The following FHIT variants were observed in gnomAD, a reference collection of about 807,000 sequenced individuals.
FHIT encodes the protein fragile histidine triad diadenosine triphosphatase.
Under a neutral mutation model 17.9 loss-of-function variants are expected in FHIT, and 19 were observed. That is an observed-to-expected ratio of 1.06 (90% confidence interval 0.74 to 1.56). The LOEUF is 1.56. Ranked by LOEUF, FHIT falls within the 40% of genes most tolerant of loss-of-function variation. FHIT has a pLI of 0.00. For synonymous variants in FHIT, 81 were observed against 69.7 expected (o/e 1.16, Z -0.81); for missense variants, 248 against 189.2 (o/e 1.31, Z -1.82).
intron 5 of FHIT, among the ~76,000 whole-genome samples, chr3:60,044,858 C>A (rs1701585272): frequency 6.6e-6 from 1 of 151,940 alleles, no homozygotes; most frequent in South Asian, 2.1e-4. Flanking sequence ...GGAAAGTGTC[C>A]CCATGCCAAG....
chr3:60,834,463 T>G (rs1553743358), intron 3 of FHIT, among the ~76,000 whole-genome samples: 1 of 152,204 alleles, frequency 6.6e-6, no homozygotes, highest in African/African-American at 2.4e-5. Flanking sequence ...TTTTTACTGT[T>G]GAGTTTGAAA....
At chr3:60,911,259 G>A (rs782516094) in intron 3 of FHIT, among the ~76,000 whole-genome samples, 3 of 152,022 alleles carry the variant, frequency 2.0e-5, no homozygotes, top group Admixed American at 6.6e-5. Context: ...ACAAAAAGTC[G>A]CATTTAATGA....
At chr3:61,150,855 A>G (rs1340851891) in intron 2 of FHIT, among the ~76,000 whole-genome samples, 1 of 152,226 alleles carries the variant, frequency 6.6e-6, no homozygotes, top group Non-Finnish European at 1.5e-5. Flanking sequence ...AAATGCAAAT[A>G]CGTAAGAGAG....
chr3:60,624,928 T>C (rs2039243588), intron 4 of FHIT, among the ~76,000 whole-genome samples: 1 of 152,196 alleles, frequency 6.6e-6, no homozygotes, highest in Admixed American at 6.5e-5. Flanking sequence ...TGTTTGTTTT[T>C]GAGACAGTCT....
rs559387365 is a variant in FHIT at position 60,274,665 on chromosome 3, T to C, written c.104-260513A>G. Reference sequence around the variant, plus strand: ...GGTAGCACAGCTTTTTTCAAAAATTTGAGAAAAAACAAATCTATTAAAACA... The same window carrying C: ...GGTAGCACAGCTTTTTTCAAAAATTCGAGAAAAAACAAATCTATTAAAACA... On this transcript the variant is annotated intron_variant, in intron 5 of 9. Transcript: ENST00000492590. 9.2e-5 allele frequency among the ~76,000 whole-genome samples: 14 copies of C among 152,236 alleles called. No individual in the cohort carries two copies. In the South Asian group the frequency reaches 2.9e-3, roughly 32 times the overall value.
intron 7 of FHIT, among the ~76,000 whole-genome samples, chr3:59,958,488 G>A (rs1707512267): frequency 2.0e-5 from 3 of 152,146 alleles, no homozygotes; most frequent in Admixed American, 6.5e-5. Flanking sequence ...TCTCTCCTGA[G>A]GAAGAAAAAA....
intron 3 of FHIT, among the ~76,000 whole-genome samples, chr3:60,879,887 G>GACTT (rs1553757501): frequency 6.6e-6 from 1 of 151,344 alleles, no homozygotes; most frequent in Non-Finnish European, 1.5e-5. Flanking sequence ...AAGACTACAA[G>GACTT]ACTTATAGGA....
chr3:60,396,875 C>A (rs1553762756), intron 5 of FHIT, among the ~76,000 whole-genome samples: 3 of 151,172 alleles, frequency 2.0e-5, no homozygotes, highest in Non-Finnish European at 4.4e-5. Context: ...TTTTTTTTTG[C>A]TTTTTCCCCA....
At position 59,928,906 on chromosome 3, in the gene FHIT, A is replaced by G. The variant is rs1017612070; in HGVS notation, c.280-6492T>C. 3.3e-5 allele frequency among the ~76,000 whole-genome samples: 5 copies of G among 149,736 alleles called. No homozygotes were observed. In the East Asian group the frequency reaches 1.0e-3, roughly 30 times the overall value. The stretch of plus-strand genomic sequence containing the variant: ...GCTACTCAGGAGGCTGAGGTAGGAG[A>G]ATCTCTTAAACCTGGGAGGTGGAAG... On this transcript the variant is annotated intron_variant, in intron 7 of 9. Coordinates refer to ENST00000492590, the MANE Select transcript of FHIT (RefSeq NM_002012.4).
At chr3:61,183,651 T>C (rs1315712830) in intron 2 of FHIT, among the ~76,000 whole-genome samples, 1 of 152,138 alleles carries the variant, frequency 6.6e-6, no homozygotes, top group East Asian at 1.9e-4. Flanking sequence ...AAATGAGAGA[T>C]TTCAAGAAAA....
intron 3 of FHIT, among the ~76,000 whole-genome samples, chr3:60,983,268 G>A (rs1710571773): frequency 6.6e-6 from 1 of 152,050 alleles, no homozygotes. Context: ...GTGCCATCCA[G>A]GGAAGGAAGA....
At chr3:61,077,938 A>G (rs1324805211) in intron 2 of FHIT, among the ~76,000 whole-genome samples, 1 of 152,166 alleles carries the variant, frequency 6.6e-6, no homozygotes, top group African/African-American at 2.4e-5. Flanking sequence ...AAATAGAGTC[A>G]AGGAGAGCCA....
chr3:59,845,173 G>T (rs1042157830), intron 8 of FHIT, among the ~76,000 whole-genome samples: 14 of 151,360 alleles, frequency 9.2e-5, no homozygotes, highest in Admixed American at 7.9e-4. Context: ...TAGACTTCTG[G>T]TTTTTTTTCT....
At chr3:60,606,934 A>C (rs1162904039) in intron 4 of FHIT, among the ~76,000 whole-genome samples, 1 of 152,142 alleles carries the variant, frequency 6.6e-6, no homozygotes, top group Non-Finnish European at 1.5e-5. Context: ...AGTCTCTGTT[A>C]CCTGCTTCCA....
chr3:60,009,161 TTTTATGTGTGTGTGTGTGTGTG>T lies in FHIT; in HGVS notation c.279+2188_279+2209del, dbSNP rs1700035598. ...TTGGAACCTTCATTGTTCTCTGGGA[TTTTATGTGTGTGTGTGTGTGTG>T]TGTGTGTGTGTGTGTGTGTGTGTGT... is the stretch of plus-strand genomic sequence containing the variant. On this transcript the variant is annotated intron_variant, in intron 7 of 9. Coordinates refer to ENST00000492590, the MANE Select transcript of FHIT (RefSeq NM_002012.4). 4.2e-5 allele frequency among the ~76,000 whole-genome samples: 3 copies of T among 71,036 alleles called. No individual in the cohort carries two copies. In the South Asian group the frequency reaches 1.9e-3, roughly 46 times the overall value. The allele number at this position is 71,036 out of a possible 152,430, so 46.6% of individuals were successfully genotyped here.
At chr3:59,753,123 A>C (rs894084522) in intron 8 of FHIT, among the ~76,000 whole-genome samples, 1 of 148,104 alleles carries the variant, frequency 6.8e-6, no homozygotes, top group Non-Finnish European at 1.5e-5. Flanking sequence ...TTTACCTCCT[A>C]CTCTCTTTGG....
chr3:60,834,866 A>G (rs1214199356), intron 3 of FHIT, among the ~76,000 whole-genome samples: 2 of 148,618 alleles, frequency 1.3e-5, no homozygotes, highest in African/African-American at 5.0e-5. Context: ...CACTGTCTCA[A>G]AAAAGAAAAG....
chr3:59,960,861 G>A (rs1044983182), intron 7 of FHIT, among the ~76,000 whole-genome samples: 1 of 152,130 alleles, frequency 6.6e-6, no homozygotes, highest in African/African-American at 2.4e-5. Flanking sequence ...AATGAGGAGA[G>A]AGGACCAATT....
intron 5 of FHIT, among the ~76,000 whole-genome samples, chr3:60,339,293 A>G (rs1385171125): frequency 6.6e-6 from 1 of 152,182 alleles, no homozygotes; most frequent in Non-Finnish European, 1.5e-5. Flanking sequence ...TCAGTATTAA[A>G]GAGAGATTCA....
Sources: gnomAD v4.1 joint callset for allele counts (sites outside exome capture counted in the v4.1 genomes callset) on GRCh38, gnomAD v4.1.1 for gene constraint, MANE v1.5 for transcripts, NCBI Gene and HGNC (gene_info 2026-07-23, HGNC 2026-07-21) for gene names.